The following ABCG2 variants were observed in gnomAD, a reference collection of about 807,000 sequenced individuals.
ABCG2 encodes broad substrate specificity ATP-binding cassette transporter ABCG2.
Under a neutral mutation model 73.5 loss-of-function variants are expected in ABCG2, and 80 were observed. That is an observed-to-expected ratio of 1.09 (90% CI 0.91 to 1.31). ABCG2 has a LOEUF of 1.31. Among genes scored for constraint, ABCG2 ranks in the 50% most tolerant of loss-of-function variants. ABCG2 has a pLI of 0.00. For missense variants in ABCG2, 796 were observed against 786.2 expected, an observed-to-expected ratio of 1.01 and a Z score of -0.15; for synonymous variants, 269 against 282.4, an observed-to-expected ratio of 0.95 and a Z score of 0.48.
At chr4:88,191,473 T>C (rs1728691413) in intron 1 of ABCG2, among the ~76,000 whole-genome samples, 2 of 152,020 alleles carry the variant, frequency 1.3e-5, no homozygotes, top group South Asian at 4.2e-4. Context: ...GGCGAGATGA[T>C]GTGGAGAAAT....
intron 9 of ABCG2, among the ~76,000 whole-genome samples, 176 bp from the exon 10 acceptor site, chr4:88,107,442 G>A (rs1001110472): frequency 6.6e-6 from 1 of 152,158 alleles, no homozygotes; most frequent in Admixed American, 6.5e-5. Flanking sequence ...ACATTATTTA[G>A]ACTGCTTCCT....
chr4:88,118,157 T>A lies in ABCG2; in HGVS notation c.793A>T (p.Met265Leu). Residue 265 changes from methionine to leucine, a missense_variant, in exon 7 of 16, where the codon ATG becomes TTG. Met to Leu is a conservative substitution (Grantham distance 15). Coordinates refer to ENST00000237612, the MANE Select transcript of ABCG2 (RefSeq NM_004827.3). ...SLTLLASGRLMFHGPAQEALG... is the reference protein window; with the variant it reads ...SLTLLASGRLLFHGPAQEALG... The stretch of plus-strand genomic sequence containing the variant: ...GCCTCCTGAGCAGGCCCGTGGAACA[T>A]AAGTCTTCCTGAGGCCAATAAGGTG... The A allele has an allele frequency of 6.2e-7, 1 of 1,614,116 alleles. No individual in the cohort carries two copies. The highest frequency in any genetic ancestry group is 8.5e-7 in the Non-Finnish European group (1 of 1,180,000).
intron 1 of ABCG2, among the ~76,000 whole-genome samples, chr4:88,216,960 G>A (rs1282278758): frequency 1.3e-5 from 2 of 151,884 alleles, no homozygotes; most frequent in African/African-American, 4.8e-5. Flanking sequence ...GAACCCGGGA[G>A]GTGGAGGTTG....
At chr4:88,183,932 C>T (rs199959961) in intron 1 of ABCG2, among the ~76,000 whole-genome samples, 7 of 152,120 alleles carry the variant, frequency 4.6e-5, no homozygotes, top group East Asian at 1.9e-4. Flanking sequence ...CAATGTCATA[C>T]GTCATATCAA....
At chr4:88,165,092 T>C (rs1727463132) in intron 1 of ABCG2, among the ~76,000 whole-genome samples, 2 of 152,308 alleles carry the variant, frequency 1.3e-5, no homozygotes, top group South Asian at 4.1e-4. Flanking sequence ...GTAAATGTTT[T>C]AATTAGAGAA....
At chr4:88,192,341 T>A (rs1728723817) in intron 1 of ABCG2, among the ~76,000 whole-genome samples, 1 of 152,186 alleles carries the variant, frequency 6.6e-6, no homozygotes, top group South Asian at 2.1e-4. Flanking sequence ...TTCACTGGAT[T>A]GTATACTTAC....
At chr4:88,174,351 G>T (rs889668793) in intron 1 of ABCG2, among the ~76,000 whole-genome samples, 2 of 152,062 alleles carry the variant, frequency 1.3e-5, no homozygotes, top group Non-Finnish European at 2.9e-5. Flanking sequence ...GCCCTGGTGT[G>T]TGATGTTCCC....
rs937679424 is a variant in ABCG2 at position 88,142,306 on chromosome 4, T to C, written c.-19-2292A>G. 4.0e-4 allele frequency among the ~76,000 whole-genome samples: 61 copies of C among 151,900 alleles called. 1 individual carries two copies. The highest frequency in any genetic ancestry group is 1.0e-4 in the Non-Finnish European group (7 of 67,998). The stretch of plus-strand genomic sequence containing the variant: ...GTATCAAGCCACAGATTGAAGAAAC[T>C]CTAGGAACACCAAAGAGGATGAATA... On this transcript the variant is annotated intron_variant, in intron 1 of 15. Transcript: ENST00000237612.
intron 1 of ABCG2, among the ~76,000 whole-genome samples, chr4:88,151,107 G>A (rs1726447734): frequency 6.6e-6 from 1 of 152,216 alleles, no homozygotes; most frequent in Non-Finnish European, 1.5e-5. Context: ...AATAAAAGGA[G>A]TAGTGACTGG....
At chr4:88,129,572 A>G (rs1332006807) in intron 5 of ABCG2, among the ~76,000 whole-genome samples, 1 of 152,168 alleles carries the variant, frequency 6.6e-6, no homozygotes, top group Admixed American at 6.6e-5. Context: ...AGAAAACCCA[A>G]TCACTCATAA....
chr4:88,213,483 A>G (rs1729681863), intron 1 of ABCG2, among the ~76,000 whole-genome samples: 1 of 152,040 alleles, frequency 6.6e-6, no homozygotes, highest in South Asian at 2.1e-4. Flanking sequence ...ACCCTACCCT[A>G]GAGGAACTGC....
rs139365151 is a variant in ABCG2 at position 88,139,475 on chromosome 4, G to A, written c.203+318C>T. Among the ~76,000 whole-genome samples the A allele has an allele frequency of 6.8e-3, 1,037 of 152,148 alleles. 6 individuals carry two copies. The highest frequency in any genetic ancestry group is 0.034 in the Middle Eastern group (10 of 294). ...TCACTATGTCGGCCAGGATGTTCTC[G>A]ATCTCTTGACTTCATGATCTGCCTG... On this transcript the variant is annotated intron_variant, in intron 2 of 15. Transcript: ENST00000237612.
rs1722053619 is a variant in ABCG2, at chr4:88,097,355, A to T, written c.1647+98T>A. 7.2e-6 allele frequency: 10 copies of T among 1,394,298 alleles called. No homozygotes were observed. In the East Asian group the frequency reaches 2.4e-4, roughly 33 times the overall value. 86.4% of individuals were successfully genotyped at this position (1,394,298 alleles called of 1,614,324 possible). ...TTAAGTAAAGCAGAGCCCCATTTAC[A>T]GAATCCTCAAAACAGGTTTTACATG... On this transcript the variant is annotated intron_variant, in intron 13 of 15. Transcript: ENST00000237612.
chr4:88,208,793 C>T (rs1578279587), intron 1 of ABCG2, among the ~76,000 whole-genome samples: 1 of 152,176 alleles, frequency 6.6e-6, no homozygotes, highest in African/African-American at 2.4e-5. Context: ...ATATGGCCAA[C>T]CTAACTTATT....
upstream of ABCG2, chr4:88,159,121 A>G (rs1727167532): frequency 2.5e-6 from 1 of 407,872 alleles, no homozygotes; most frequent in African/African-American, 2.1e-5. Context: ...GACAAGCCAA[A>G]CACTCCCGCC....
At chr4:88,184,833 G>T (rs1003780973) in intron 1 of ABCG2, among the ~76,000 whole-genome samples, 1 of 152,102 alleles carries the variant, frequency 6.6e-6, no homozygotes, top group East Asian at 1.9e-4. Flanking sequence ...AAATGGCAAG[G>T]TACTGACATA....
intron 2 of ABCG2, 40 bp downstream of exon 2, chr4:88,139,753 T>C: frequency 6.4e-7 from 1 of 1,573,878 alleles, no homozygotes; most frequent in South Asian, 1.1e-5. Context: ...TCACTGTAGG[T>C]AAATTAAAAA....
chr4:88,196,277 A>G (rs1728938814), intron 1 of ABCG2, among the ~76,000 whole-genome samples: 1 of 152,134 alleles, frequency 6.6e-6, no homozygotes, highest in Admixed American at 6.5e-5. Context: ...ATCTACCAAA[A>G]TGTAGTCATC....
intron 1 of ABCG2, among the ~76,000 whole-genome samples, chr4:88,141,132 T>G (rs987148359): frequency 6.6e-6 from 1 of 152,134 alleles, no homozygotes; most frequent in Admixed American, 6.6e-5. Flanking sequence ...CTGCCTATGA[T>G]TGAGTTGCTG....
Sources: gnomAD v4.1 joint callset for allele counts (sites outside exome capture counted in the v4.1 genomes callset) on GRCh38, gnomAD v4.1.1 for gene constraint, MANE v1.5 for transcripts, NCBI Gene and HGNC (gene_info 2026-07-23, HGNC 2026-07-21) for gene names.